The following FMNL2 variants were observed in gnomAD, a reference collection of about 807,000 sequenced individuals.
FMNL2 encodes formin like 2.
FMNL2 carries 51 observed loss-of-function variants against 130.2 expected under a neutral mutation model. The ratio of observed to expected loss-of-function variants is 0.39; its 90% CI spans 0.31 to 0.49. FMNL2 has a LOEUF of 0.49. Ranked by LOEUF, FMNL2 falls within the 20% of genes least tolerant of loss-of-function variation. FMNL2 has a pLI of 0.85. For missense variants in FMNL2, 977 were observed against 1,316.2 expected (o/e 0.74, Z 3.99); for synonymous variants, 465 against 467.1 (o/e 1.00, Z 0.06).
chr2:152,376,431 T>C (rs1050814623), intron 1 of FMNL2, among the ~76,000 whole-genome samples: 2 of 152,224 alleles, frequency 1.3e-5, no homozygotes, highest in Non-Finnish European at 2.9e-5. Flanking sequence ...CCTATAATAC[T>C]CTTGGAGGAG....
At chr2:152,544,197 A>G (rs1024692167) in intron 3 of FMNL2, among the ~76,000 whole-genome samples, 11 of 152,262 alleles carry the variant, frequency 7.2e-5, no homozygotes, top group African/African-American at 2.6e-4. Context: ...TGGGTGGATC[A>G]CCTGAGGTCA....
Position 152,578,984 on chromosome 2 carries a change from C to T in FMNL2, c.782+20C>T, listed in dbSNP as rs374129554. On this transcript the variant is annotated intron_variant, in intron 8 of 25. Transcript: ENST00000288670. ...TCCCAGGTAAGCTGCTTTTGTAGTACGCAAGTCTAAATCTATCTAGAGAAA... is the reference window on the plus strand; with the variant it reads ...TCCCAGGTAAGCTGCTTTTGTAGTATGCAAGTCTAAATCTATCTAGAGAAA... 4.3e-5 allele frequency: 69 copies of T among 1,599,446 alleles called. 2 individuals are homozygous for T. The highest frequency in any genetic ancestry group is 3.7e-4 in the South Asian group (33 of 89,646).
chr2:152,572,735 C>G (rs953964987), intron 6 of FMNL2, among the ~76,000 whole-genome samples: 1 of 151,908 alleles, frequency 6.6e-6, no homozygotes, highest in African/African-American at 2.4e-5. Flanking sequence ...AAAGTGAGAC[C>G]CTTGTCTCCA....
At chr2:152,337,524 A>AT (rs909087358) in intron 1 of FMNL2, among the ~76,000 whole-genome samples, 13 of 149,048 alleles carry the variant, frequency 8.7e-5, no homozygotes, top group Admixed American at 2.0e-4. Context: ...CTAGGATAGC[A>AT]TTTTTTTTTG....
intron 1 of FMNL2, among the ~76,000 whole-genome samples, chr2:152,462,508 G>A (rs1579723399): frequency 6.6e-6 from 1 of 152,188 alleles, no homozygotes; most frequent in African/African-American, 2.4e-5. Flanking sequence ...TGATTGTGAT[G>A]TATAACAAAT....
At position 152,649,261 on chromosome 2, in the gene FMNL2, T is replaced by C. The variant is rs1377092317; in HGVS notation, c.*1356T>C. The stretch of plus-strand genomic sequence containing the variant: ...TTTTGCTATAAAATCGGTGCAGTTT[T>C]TTATGGTTTTTACACTTCTCTTTAA... On this transcript the variant is annotated 3_prime_UTR_variant, in exon 26 of 26. Transcript: ENST00000288670. 1 of 152,614 alleles carries C rather than the reference T, an allele frequency of 6.6e-6. No individual in the cohort carries two copies. The highest frequency in any genetic ancestry group is 1.5e-5 in the Non-Finnish European group (1 of 68,034). 9.5% of individuals were successfully genotyped at this position (152,614 alleles called of 1,614,324 possible). A position where few individuals can be genotyped will look rare whatever the true frequency, so the allele number is the denominator to read the frequency against.
At chr2:152,399,507 G>A (rs1292774883) in intron 1 of FMNL2, among the ~76,000 whole-genome samples, 3 of 152,160 alleles carry the variant, frequency 2.0e-5, no homozygotes, top group Non-Finnish European at 4.4e-5. Flanking sequence ...CCTGAGATGG[G>A]GTGTTGGACC....
chr2:152,479,935 A>G (rs922360839), intron 1 of FMNL2, among the ~76,000 whole-genome samples: 1 of 152,010 alleles, frequency 6.6e-6, no homozygotes, highest in Non-Finnish European at 1.5e-5. Context: ...CTTACGTTGC[A>G]TGGGAGTGTA....
rs867567282 is a variant in FMNL2, at chr2:152,637,603, G to A, written c.2875G>A (p.Gly959Arg). ...CTTTGATGATGTTGTGAAGTATTTT[G>A]GAGAAAACCCCAAGACAACACCACC... ...DAFDDVVKYF[G>R]ENPKTTPPSV... Residue 959 changes from glycine (G) to arginine (R), a missense_variant, in exon 23 of 26, where the codon GGA (glycine) becomes AGA (arginine). Around this residue, in one of 4 missense-constraint regions of FMNL2, gnomAD observed 168 missense variants for 168.8 expected, o/e 1.00. Coordinates refer to ENST00000288670, the MANE Select transcript of FMNL2 (RefSeq NM_052905.4). 1 of 1,613,922 alleles carries A rather than the reference G, an allele frequency of 6.2e-7. No homozygotes were observed. The highest frequency in any genetic ancestry group is 8.5e-7 in the Non-Finnish European group (1 of 1,179,852).
At chr2:152,543,810 G>T (rs2577178) in intron 3 of FMNL2, among the ~76,000 whole-genome samples, 1 of 141,544 alleles carries the variant, frequency 7.1e-6, no homozygotes, top group Non-Finnish European at 1.5e-5. Context: ...TTTCTCTTAC[G>T]GTTAATATGT....
intron 9 of FMNL2, among the ~76,000 whole-genome samples, chr2:152,589,957 A>ATGTATG (rs1558988104): frequency 1.1e-4 from 1 of 9,340 alleles, no homozygotes; most frequent in Non-Finnish European, 3.8e-4. Flanking sequence ...ATATATATAT[A>ATGTATG]TATATATATA....
At chr2:152,379,602 AT>A (rs1220694720) in intron 1 of FMNL2, among the ~76,000 whole-genome samples, 1 of 152,208 alleles carries the variant, frequency 6.6e-6, no homozygotes, top group East Asian at 1.9e-4. Context: ...TATATATATC[AT>A]TTTTCCCTAA....
chr2:152,362,113 A>G (rs1683214783), intron 1 of FMNL2, among the ~76,000 whole-genome samples: 1 of 152,200 alleles, frequency 6.6e-6, no homozygotes, highest in Non-Finnish European at 1.5e-5. Flanking sequence ...CATCCACATC[A>G]TGAACATACT....
intron 9 of FMNL2, among the ~76,000 whole-genome samples, chr2:152,605,047 C>G (rs1698288304): frequency 6.6e-6 from 1 of 152,024 alleles, no homozygotes; most frequent in Non-Finnish European, 1.5e-5. Flanking sequence ...GTCTAGGGAG[C>G]TGGGCCTGTA....
intron 1 of FMNL2, among the ~76,000 whole-genome samples, chr2:152,423,354 T>C (rs1304019966): frequency 6.6e-6 from 1 of 152,148 alleles, no homozygotes; most frequent in Non-Finnish European, 1.5e-5. Flanking sequence ...AACAGAAGCA[T>C]AGAAAAGGTA....
chr2:152,607,872 T>C (rs528383509), intron 10 of FMNL2, among the ~76,000 whole-genome samples: 20 of 151,910 alleles, frequency 1.3e-4, no homozygotes, highest in Non-Finnish European at 2.1e-4. Context: ...AAAATGAATA[T>C]GCAGCAGTGA....
intron 2 of FMNL2, among the ~76,000 whole-genome samples, chr2:152,538,707 A>T (rs1694142542): frequency 6.6e-6 from 1 of 152,184 alleles, no homozygotes; most frequent in Non-Finnish European, 1.5e-5. Context: ...TAAAAGTGTT[A>T]TGGAGGAAGA....
At chr2:152,338,292 C>A (rs1195306197) in intron 1 of FMNL2, among the ~76,000 whole-genome samples, 8 of 152,104 alleles carry the variant, frequency 5.3e-5, no homozygotes, top group Admixed American at 6.5e-5. Context: ...AGTGTCTAAG[C>A]ACCTCATTGT....
At chr2:152,345,128 T>C (rs1197761938) in intron 1 of FMNL2, among the ~76,000 whole-genome samples, 1 of 152,220 alleles carries the variant, frequency 6.6e-6, no homozygotes, top group Non-Finnish European at 1.5e-5. Context: ...GATTTAGAAA[T>C]ATAAATCAAT....
Sources: gnomAD v4.1 joint callset for allele counts (sites outside exome capture counted in the v4.1 genomes callset) on GRCh38, gnomAD v4.1.1 for gene constraint, gnomAD v4.1.1 regional missense constraint, MANE v1.5 for transcripts, NCBI Gene and HGNC (gene_info 2026-07-23, HGNC 2026-07-21) for gene names.